Variants in TNRC6A observed in about 807,000 individuals in gnomAD.
TNRC6A encodes trinucleotide repeat containing adaptor 6A.
Under a neutral mutation model 221.2 loss-of-function variants are expected in TNRC6A, and 44 were observed. The ratio of observed to expected loss-of-function variants is 0.20; its 90% CI spans 0.16 to 0.26. The LOEUF is 0.26. Ranked by LOEUF, TNRC6A falls within the 10% of genes least tolerant of loss-of-function variation. TNRC6A has a pLI of 1.00. For missense variants in TNRC6A, 2,199 were observed against 2,404.4 expected, an observed-to-expected ratio of 0.91 and a Z score of 1.79; for synonymous variants, 847 against 838.5, an observed-to-expected ratio of 1.01 and a Z score of -0.18.
chr16:24,794,220 C>T (rs1650007014), intron 7 of TNRC6A, among the ~76,000 whole-genome samples: 2 of 152,200 alleles, frequency 1.3e-5, no homozygotes, highest in African/African-American at 4.8e-5. Flanking sequence ...AAATTTCATT[C>T]ATCTTCTTTG....
chr16:24,794,574 G>A lies in TNRC6A; in HGVS notation c.3383G>A (p.Gly1128Asp), dbSNP rs1358419953. 2.5e-6 allele frequency: 4 copies of A among 1,613,734 alleles called. No homozygotes were observed. The highest frequency in any genetic ancestry group is 2.2e-5 in the East Asian group (1 of 44,884). Residue 1128 changes from glycine to aspartate, a missense_variant, in exon 8 of 25, where the codon GGT becomes GAT. Physicochemically the swap from Gly to Asp is moderately conservative, Grantham distance 94. Coordinates refer to ENST00000395799, the MANE Select transcript of TNRC6A (RefSeq NM_014494.4). ...GPKSMQDGWC[G>D]DDMPLPGNRP... The stretch of plus-strand genomic sequence containing the variant: ...AAATCTATGCAAGATGGCTGGTGTG[G>A]TGATGATATGCCATTGCCTGGAAAT...
At chr16:24,656,478 A>AC (rs2054916061) in intron 2 of TNRC6A, among the ~76,000 whole-genome samples, 1 of 151,614 alleles carries the variant, frequency 6.6e-6, no homozygotes. Context: ...AAAAAAAAAA[A>AC]AAAGAGAGAG....
At chr16:24,759,320 T>C (rs1037308111) in intron 4 of TNRC6A, among the ~76,000 whole-genome samples, 3 of 152,178 alleles carry the variant, frequency 2.0e-5, no homozygotes, top group African/African-American at 7.2e-5. Flanking sequence ...ACCAACAAGC[T>C]TGGACTTTGT....
intron 14 of TNRC6A, 150 bp downstream of exon 14, chr16:24,805,301 G>T (rs753128492): frequency 4.1e-5 from 49 of 1,185,634 alleles, no homozygotes; most frequent in Middle Eastern, 4.0e-4. Flanking sequence ...AAAAAAGGTT[G>T]TAGTAAGGAA....
At chr16:24,655,770 C>T (rs1440716937) in intron 2 of TNRC6A, among the ~76,000 whole-genome samples, 1 of 152,028 alleles carries the variant, frequency 6.6e-6, no homozygotes, top group African/African-American at 2.4e-5. Context: ...AAACTATTCT[C>T]AGTCTGAACG....
chr16:24,734,981 A>G (rs2056731011), intron 2 of TNRC6A, among the ~76,000 whole-genome samples: 3 of 152,230 alleles, frequency 2.0e-5, no homozygotes, highest in Non-Finnish European at 4.4e-5. Flanking sequence ...CAAATGCTAT[A>G]TTAGAAATGA....
intron 2 of TNRC6A, chr16:24,663,563 A>C (rs2055081182): frequency 6.1e-6 from 1 of 162,970 alleles, no homozygotes; most frequent in African/African-American, 2.4e-5. Context: ...CTCAAAAATA[A>C]ATAAATAGAT....
intron 11 of TNRC6A, among the ~76,000 whole-genome samples, chr16:24,802,965 A>G (rs1398193072): frequency 1.3e-5 from 2 of 152,160 alleles, no homozygotes; most frequent in East Asian, 3.9e-4. Context: ...AGTTTCCAGG[A>G]GAGAAGATCA....
chr16:24,649,838 T>C (rs1902536854), intron 2 of TNRC6A, among the ~76,000 whole-genome samples: 1 of 143,824 alleles, frequency 7.0e-6, no homozygotes, highest in Non-Finnish European at 1.5e-5. Context: ...TTTTTTTTTT[T>C]TTTTTGGAGA....
At chr16:24,621,914 A>G (rs1900695552) in intron 1 of TNRC6A, among the ~76,000 whole-genome samples, 1 of 152,252 alleles carries the variant, frequency 6.6e-6, no homozygotes, top group Non-Finnish European at 1.5e-5. Flanking sequence ...AGCAGCTGAA[A>G]GAGAAAGTGT....
At chr16:24,621,816 C>T (rs1171473157) in intron 1 of TNRC6A, among the ~76,000 whole-genome samples, 14 of 152,110 alleles carry the variant, frequency 9.2e-5, no homozygotes, top group Non-Finnish European at 1.8e-4. Context: ...AATAGTACTA[C>T]AAACACTGCG....
chr16:24,681,763 GAATT>G (rs1246499132), intron 2 of TNRC6A, among the ~76,000 whole-genome samples: 4 of 152,124 alleles, frequency 2.6e-5, no homozygotes, highest in Admixed American at 2.6e-4. Flanking sequence ...CAACAAATGG[GAATT>G]AATTAATTAG....
chr16:24,700,592 T>C (rs2055953006), intron 2 of TNRC6A, among the ~76,000 whole-genome samples: 1 of 152,012 alleles, frequency 6.6e-6, no homozygotes, highest in African/African-American at 2.4e-5. Flanking sequence ...TCCCTCACAC[T>C]CTTCTCTTTC....
At chr16:24,649,086 G>A (rs1902475623) in intron 2 of TNRC6A, among the ~76,000 whole-genome samples, 1 of 151,702 alleles carries the variant, frequency 6.6e-6, no homozygotes. Context: ...TTTGAAATCA[G>A]CCTGGGCAAC....
chr16:24,618,831 T>C (rs1391383310), intron 1 of TNRC6A, among the ~76,000 whole-genome samples: 5 of 151,664 alleles, frequency 3.3e-5, no homozygotes, highest in East Asian at 1.9e-4. Context: ...GGTTTCACCA[T>C]GTTAGCCAGG....
chr16:24,706,753 G>A (rs1417455891), intron 2 of TNRC6A, among the ~76,000 whole-genome samples: 2 of 148,724 alleles, frequency 1.3e-5, no homozygotes, highest in African/African-American at 4.9e-5. Flanking sequence ...GATTAATGAA[G>A]CAGATTAGAA....
At position 24,812,692 on chromosome 16, in the gene TNRC6A, G is replaced by A. The variant is rs116732115; in HGVS notation, c.4673-2455G>A. ...AGGCCATAGGGCTCTGCTGTGTAGT[G>A]GGCTCTACCATCTAGGTTTGTGTAA... On this transcript the variant is annotated intron_variant, in intron 18 of 24. Transcript: ENST00000395799. 9.3e-3 allele frequency among the ~76,000 whole-genome samples: 1,409 copies of A among 152,172 alleles called. 23 individuals carry two copies. Among genetic ancestry groups the A allele is most frequent in the African/African-American group, 0.032 (1,339 of 41,514 alleles).
At chr16:24,699,654 G>C (rs1208135129) in intron 2 of TNRC6A, among the ~76,000 whole-genome samples, 1 of 151,424 alleles carries the variant, frequency 6.6e-6, no homozygotes, top group East Asian at 1.9e-4. Flanking sequence ...AGGATTCCAA[G>C]GCTGCAGTGA....
In TNRC6A at chr16:24,797,510, C is replaced by T; in HGVS notation, c.3582C>T (p.Asn1194=). 1 of 1,610,620 alleles carries T rather than the reference C, an allele frequency of 6.2e-7. No individual in the cohort carries two copies. The highest frequency in any genetic ancestry group is 8.5e-7 in the Non-Finnish European group (1 of 1,179,002). Residue 1194 remains asparagine, a synonymous_variant, in exon 10 of 25, where the codon AAC becomes AAT. Coordinates refer to ENST00000395799, the MANE Select transcript of TNRC6A (RefSeq NM_014494.4). ...RRERGMMKGG[N]KQEEAWINPF... is the part of the protein sequence containing the mutation. ...CAAAGGGAATGATGAAAGGTGGAAACAAACAAGAAGAAGCGTGGATAAATC... is the reference window on the plus strand; with the variant it reads ...CAAAGGGAATGATGAAAGGTGGAAATAAACAAGAAGAAGCGTGGATAAATC...
Sources: gnomAD v4.1 joint callset for allele counts (sites outside exome capture counted in the v4.1 genomes callset) on GRCh38, gnomAD v4.1.1 for gene constraint, MANE v1.5 for transcripts, NCBI Gene and HGNC (gene_info 2026-07-23, HGNC 2026-07-21) for gene names.